The following RALA variants were observed in gnomAD, a reference collection of about 807,000 sequenced individuals.
RALA encodes the protein ras-related protein Ral-A.
A neutral mutation model predicts 24.0 loss-of-function variants in RALA; 5 were observed. The observed-to-expected ratio is 0.21, with a 90% CI of 0.11 to 0.44. RALA has a LOEUF of 0.44. RALA is among the 20% of genes least tolerant of loss of function. The pLI is 0.99. For missense variants in RALA, 95 were observed against 241.2 expected, an observed-to-expected ratio of 0.39 and a Z score of 4.01; for synonymous variants, 77 against 83.8, an observed-to-expected ratio of 0.92 and a Z score of 0.44.
chr7:39,633,297 T>TCA (rs1190216433), intron 1 of RALA, among the ~76,000 whole-genome samples: 2 of 152,172 alleles, frequency 1.3e-5, no homozygotes, highest in Non-Finnish European at 2.9e-5. Flanking sequence ...TTTAATTAAC[T>TCA]CACAGTTCCA....
At chr7:39,699,162 C>CT (rs1344383187) in intron 4 of RALA, among the ~76,000 whole-genome samples, 1 of 101,364 alleles carries the variant, frequency 9.9e-6, no homozygotes, top group African/African-American at 3.8e-5. Context: ...GAGACGGAGT[C>CT]TCGCTCTGTC....
chr7:39,689,864 A>G (rs1484058863), intron 2 of RALA, among the ~76,000 whole-genome samples: 1 of 152,248 alleles, frequency 6.6e-6, no homozygotes, highest in East Asian at 1.9e-4. Flanking sequence ...GAATTGTACT[A>G]TTTAAAAAAT....
At chr7:39,636,633 A>C (rs973534953) in intron 1 of RALA, among the ~76,000 whole-genome samples, 1 of 152,152 alleles carries the variant, frequency 6.6e-6, no homozygotes, top group Non-Finnish European at 1.5e-5. Context: ...TTTCTGTTTT[A>C]CGTTTGTGTG....
intron 4 of RALA, chr7:39,697,554 G>C (rs990236276): frequency 2.3e-6 from 1 of 430,660 alleles, no homozygotes. Flanking sequence ...TCTTTCTTCA[G>C]CCTGCAAGTA....
At chr7:39,651,657 T>TA (rs1316242802) in intron 1 of RALA, among the ~76,000 whole-genome samples, 2 of 152,326 alleles carry the variant, frequency 1.3e-5, no homozygotes, top group East Asian at 3.9e-4. Flanking sequence ...CCCTGGAAGT[T>TA]AAACATTTTT....
intron 1 of RALA, among the ~76,000 whole-genome samples, chr7:39,651,913 T>TA (rs1792024320): frequency 2.0e-5 from 3 of 152,242 alleles, no homozygotes; most frequent in Admixed American, 1.3e-4. Context: ...TAAATATTCT[T>TA]ATCGCTAATT....
At chr7:39,701,180 G>A (rs931330242) in intron 4 of RALA, among the ~76,000 whole-genome samples, 8 of 152,192 alleles carry the variant, frequency 5.3e-5, no homozygotes, top group African/African-American at 1.9e-4. Context: ...GCCAACTCTG[G>A]CGCTCACATG....
chr7:39,664,007 G>A (rs897918794), intron 1 of RALA, among the ~76,000 whole-genome samples: 1 of 152,234 alleles, frequency 6.6e-6, no homozygotes, highest in Non-Finnish European at 1.5e-5. Flanking sequence ...CCAAGAGGCA[G>A]CAGGTGAATT....
At chr7:39,638,221 C>T (rs969716918) in intron 1 of RALA, among the ~76,000 whole-genome samples, 1 of 152,140 alleles carries the variant, frequency 6.6e-6, no homozygotes, top group African/African-American at 2.4e-5. Context: ...GCTTAAGCCT[C>T]CTGAGTAGCT....
At chr7:39,658,244 C>T (rs1268452663) in intron 1 of RALA, among the ~76,000 whole-genome samples, 1 of 152,148 alleles carries the variant, frequency 6.6e-6, no homozygotes, top group Non-Finnish European at 1.5e-5. Flanking sequence ...GCATCCATGA[C>T]TTTGCTCCTT....
At chr7:39,647,272 C>G (rs145057871) in intron 1 of RALA, among the ~76,000 whole-genome samples, 2 of 152,108 alleles carry the variant, frequency 1.3e-5, no homozygotes, top group African/African-American at 2.4e-5. Flanking sequence ...CGAACTCCTG[C>G]GCTCAAGTGG....
intron 2 of RALA, among the ~76,000 whole-genome samples, chr7:39,689,704 C>A (rs1792780957): frequency 6.6e-6 from 1 of 152,136 alleles, no homozygotes; most frequent in African/African-American, 2.4e-5. Context: ...ATTATTTGAG[C>A]CCAGGAGTTC....
intron 4 of RALA, among the ~76,000 whole-genome samples, chr7:39,704,276 A>C (rs1228426130): frequency 6.6e-6 from 1 of 151,718 alleles, no homozygotes; most frequent in Non-Finnish European, 1.5e-5. Context: ...ATGCTGTCTT[A>C]TAGACCTTTG....
chr7:39,662,136 T>TG (rs1374144796), intron 1 of RALA, among the ~76,000 whole-genome samples: 2 of 152,100 alleles, frequency 1.3e-5, no homozygotes, highest in Admixed American at 6.5e-5. Context: ...CAGCATGGGT[T>TG]GGGGGGCCCT....
At chr7:39,651,251 T>C (rs75432578) in intron 1 of RALA, among the ~76,000 whole-genome samples, 15,535 of 152,320 alleles carry the variant, frequency 0.1, 1,052 homozygotes, top group Non-Finnish European at 0.15. Context: ...GTGTATTAAA[T>C]GCATTTTCGA....
intron 1 of RALA, among the ~76,000 whole-genome samples, chr7:39,659,003 G>A (rs1363178597): frequency 2.0e-5 from 3 of 152,138 alleles, no homozygotes; most frequent in Non-Finnish European, 4.4e-5. Flanking sequence ...ATATGGACCG[G>A]GTGTGATGTC....
At chr7:39,685,080 T>C (rs1792674912) in intron 1 of RALA, among the ~76,000 whole-genome samples, 2 of 152,200 alleles carry the variant, frequency 1.3e-5, no homozygotes, top group South Asian at 4.1e-4. Flanking sequence ...GCAATTACTT[T>C]GGCGCCAACC....
intron 4 of RALA, chr7:39,700,982 C>T (rs1182106261): frequency 6.6e-6 from 1 of 152,150 alleles, no homozygotes; most frequent in African/African-American, 2.4e-5. Context: ...ATCAGAAAAG[C>T]TAATATTTAT....
intron 1 of RALA, among the ~76,000 whole-genome samples, chr7:39,628,870 G>C (rs542459258): frequency 1.6e-4 from 25 of 152,270 alleles, no homozygotes; most frequent in Admixed American, 1.4e-3. Flanking sequence ...AATTTATTAA[G>C]TAATTAGGTC....
Sources: allele counts gnomAD v4.1 joint callset (sites outside exome capture counted in the v4.1 genomes callset), GRCh38; gene constraint gnomAD v4.1.1; transcripts MANE v1.5; gene names NCBI Gene and HGNC (gene_info 2026-07-23, HGNC 2026-07-21).